ARHGEF15: variants seen among roughly 807,000 people sequenced by gnomAD.
The protein encoded by ARHGEF15 is Rho guanine nucleotide exchange factor 15, also known as Rho guanine nucleotide exchange factor (GEF) 15.
Under a neutral mutation model 79.7 loss-of-function variants are expected in ARHGEF15, and 58 were observed. The ratio of observed to expected loss-of-function variants is 0.73; its 90% CI spans 0.59 to 0.91. ARHGEF15 has a LOEUF of 0.91. ARHGEF15 is among the 40% of genes least tolerant of loss of function. The pLI, the probability that ARHGEF15 is intolerant of heterozygous loss-of-function variation, is 0.00. For synonymous variants in ARHGEF15, 442 were observed against 456.0 expected (o/e 0.97, Z 0.39); for missense variants, 1,012 against 1,108.1 (o/e 0.91, Z 1.23).
chr17:8,311,841 G>A (rs1904639939), intron 1 of ARHGEF15, 150 bp from the exon 2 acceptor site: 2 of 491,708 alleles, frequency 4.1e-6, no homozygotes, highest in East Asian at 3.8e-5. Flanking sequence ...CAGACACGGA[G>A]CGGCTGTATC....
At position 8,313,167 on chromosome 17, in the gene ARHGEF15, C is replaced by T; in HGVS notation, c.847C>T (p.Pro283Ser). The change falls in exon 3 of 16, where the codon CCA (proline) becomes TCA (serine). Residue 283 changes from proline (P) to serine (S), a missense_variant. This residue lies in a region of ARHGEF15 where 818 missense variants were observed against 882.5 expected (regional missense o/e 0.93). Transcript: ENST00000361926. ...CCTGCCACTCCTCAAGCCTCCCAAA[C>T]CAACTCGTGTCAGGCAGGATGCCAC... ...KLLPLLKPPK[P>S]TRVRQDATIF... 1 of 1,612,060 alleles carries T rather than the reference C, an allele frequency of 6.2e-7. No homozygotes were observed. Among genetic ancestry groups the T allele is most frequent in the Non-Finnish European group, 8.5e-7 (1 of 1,180,010 alleles).
rs760178741 is a variant in ARHGEF15, at chr17:8,315,706, G to A, written c.1422-49G>A. ...CAAACCTTCTCTCAAGAACCCGGGA[G>A]ACCTGGCTCTCTGCCCCGCCCCATT... On this transcript the variant is annotated intron_variant, in intron 7 of 15. Coordinates refer to ENST00000361926, the MANE Select transcript of ARHGEF15 (RefSeq NM_173728.4). This position sits in a 1 kb window ranked among gnomAD's most constrained non-coding sequence, Gnocchi z 4.3. 6.3e-7 allele frequency: 1 copy of A among 1,597,850 alleles called. No homozygotes were observed. Among genetic ancestry groups the A allele is most frequent in the South Asian group, 1.1e-5 (1 of 89,828 alleles).
At position 8,321,103 on chromosome 17, in the gene ARHGEF15, T is replaced by C. The variant is rs1905362114; in HGVS notation, c.*110T>C. 6 of 1,470,924 alleles carry C rather than the reference T, an allele frequency of 4.1e-6. No individual in the cohort carries two copies. In the Admixed American group the frequency reaches 9.2e-5, roughly 23 times the overall value. The allele number at this position is 1,470,924 out of a possible 1,614,324, so 91.1% of individuals were successfully genotyped here. A position where few individuals can be genotyped will look rare whatever the true frequency, so the allele number is the denominator to read the frequency against. On this transcript the variant is annotated 3_prime_UTR_variant, in exon 16 of 16. Coordinates refer to ENST00000361926, the MANE Select transcript of ARHGEF15 (RefSeq NM_173728.4). ...CTGTCAGTGGAGATACTACCTCTCG[T>C]GGCAACCATAGAGATCGAGCTTCAG...
intron 15 of ARHGEF15, 46 bp downstream of exon 15, chr17:8,319,649 T>A: frequency 4.9e-6 from 7 of 1,425,542 alleles, no homozygotes; most frequent in Non-Finnish European, 6.5e-6. Flanking sequence ...TTATTATTAT[T>A]TTTTGAGACA....
chr17:8,311,136 C>A (rs966875022), intron 1 of ARHGEF15, among the ~76,000 whole-genome samples: 3 of 152,042 alleles, frequency 2.0e-5, no homozygotes, highest in African/African-American at 7.2e-5. Flanking sequence ...GTCTGACTCT[C>A]CTGCTGACCC....
chr17:8,312,351 C>A lies in ARHGEF15; in HGVS notation c.312C>A (p.Ser104=). Residue 104 remains serine (S), a synonymous_variant, in exon 2 of 16, where the codon TCC becomes TCA. Coordinates refer to ENST00000361926, the MANE Select transcript of ARHGEF15 (RefSeq NM_173728.4). ...PSSTPTPSPV[S]RRSASPEPAP... is the part of the protein sequence containing the mutation. Reference sequence around the variant, plus strand: ...GCACCCCCACACCTAGTCCAGTGTCCCGGCGCTCCGCCTCCCCAGAACCTG... The same window carrying A: ...GCACCCCCACACCTAGTCCAGTGTCACGGCGCTCCGCCTCCCCAGAACCTG... The A allele has an allele frequency of 6.3e-7, 1 of 1,596,336 alleles. No individual in the cohort carries two copies. Among genetic ancestry groups the A allele is most frequent in the Non-Finnish European group, 8.5e-7 (1 of 1,171,578 alleles).
chr17:8,319,827 G>A (rs546323003), intron 15 of ARHGEF15, among the ~76,000 whole-genome samples: 4 of 152,002 alleles, frequency 2.6e-5, no homozygotes, highest in Non-Finnish European at 4.4e-5. Flanking sequence ...GTAGAGATGG[G>A]GTTTCACCAT....
rs775035277 is a variant in ARHGEF15 at position 8,315,581 on chromosome 17, G to C, written c.1421+7G>C. The stretch of plus-strand genomic sequence containing the variant: ...TCCAGGGAGTCAGCGAGCGGTCAGT[G>C]GCTTTCCGTCCTTCCAGGGAACCTG... On this transcript the variant is annotated splice_region_variant and intron_variant, in intron 7 of 15. Transcript: ENST00000361926. This position sits in a 1 kb window ranked among gnomAD's most constrained non-coding sequence, Gnocchi z 4.3. 1.9e-6 allele frequency: 3 copies of C among 1,606,812 alleles called. No homozygotes were observed. In the African/African-American group the frequency reaches 4.0e-5, roughly 21 times the overall value.
Position 8,321,284 on chromosome 17 carries a change from T to C in ARHGEF15, c.*291T>C. The C allele has an allele frequency of 6.4e-6, 2 of 314,472 alleles. No individual in the cohort carries two copies. Among genetic ancestry groups the C allele is most frequent in the Non-Finnish European group, 1.2e-5 (2 of 170,016 alleles). The allele number at this position is 314,472 out of a possible 1,614,324, so 19.5% of individuals were successfully genotyped here. A position where few individuals can be genotyped will look rare whatever the true frequency, so the allele number is the denominator to read the frequency against. On this transcript the variant is annotated 3_prime_UTR_variant, in exon 16 of 16. Coordinates refer to ENST00000361926, the MANE Select transcript of ARHGEF15 (RefSeq NM_173728.4). ...CTATGGCCAATGAGTATTCCTGCTA[T>C]GCTCAGGGCCAAGGAAGACAAATCT...
At chr17:8,313,899 G>A (rs559287209) in intron 4 of ARHGEF15, 3 of 190,060 alleles carry the variant, frequency 1.6e-5, no homozygotes, top group East Asian at 2.6e-4. Flanking sequence ...GCATGGTGAC[G>A]GGTGCCTGTA....
chr17:8,312,425 C>T lies in ARHGEF15; in HGVS notation c.386C>T (p.Thr129Met), dbSNP rs747278375. 3.3e-5 allele frequency: 53 copies of T among 1,613,748 alleles called. No homozygotes were observed. The highest frequency in any genetic ancestry group is 4.5e-5 in the East Asian group (2 of 44,844). The part of the protein sequence containing the change: ...PPPKPSGSPC[T>M]PLLPMAGVLA... ...CCCAAGCCGTCTGGGTCACCCTGCA[C>T]GCCTCTGCTCCCCATGGCTGGAGTC... Residue 129 changes from threonine to methionine, a missense_variant, in exon 2 of 16, where the codon ACG becomes ATG. Coordinates refer to ENST00000361926, the MANE Select transcript of ARHGEF15 (RefSeq NM_173728.4).
Position 8,315,373 on chromosome 17 carries a change from G to A in ARHGEF15, c.1261-41G>A. 1 of 1,613,094 alleles carries A rather than the reference G, an allele frequency of 6.2e-7. No individual in the cohort carries two copies. The highest frequency in any genetic ancestry group is 1.1e-5 in the South Asian group (1 of 91,000). On this transcript the variant is annotated intron_variant, in intron 6 of 15. Transcript: ENST00000361926. The surrounding 1 kb of genome is among the most constrained non-coding windows in gnomAD (Gnocchi z 4.3). ...AGGGCCCAGGGTCCTAGCTTCCCAC[G>A]GTGAACTGGGCTTCCCACGACTGCC...
chr17:8,318,925 A>T lies in ARHGEF15; in HGVS notation c.2033+15A>T. ...CAGCCTAAGAGGTGAGTCCTAGGGA[A>T]GGAAGGAGCCCAGGCTGGAGTGGGC... On this transcript the variant is annotated intron_variant, in intron 12 of 15. Coordinates refer to ENST00000361926, the MANE Select transcript of ARHGEF15 (RefSeq NM_173728.4). The surrounding 1 kb of genome is among the most constrained non-coding windows in gnomAD (Gnocchi z 5.0). 6.2e-7 allele frequency: 1 copy of T among 1,610,326 alleles called. No individual in the cohort carries two copies. Among genetic ancestry groups the T allele is most frequent in the East Asian group, 2.2e-5 (1 of 44,816 alleles).
chr17:8,314,532 T>C (rs1229889224), intron 4 of ARHGEF15, among the ~76,000 whole-genome samples: 1 of 151,930 alleles, frequency 6.6e-6, no homozygotes, highest in African/African-American at 2.4e-5. Flanking sequence ...CTCAGAAATC[T>C]CTGGTCTGCA....
rs1004476505 is a variant in ARHGEF15, at chr17:8,322,298, G to C, written c.*1305G>C. 2.0e-5 allele frequency: 3 copies of C among 152,412 alleles called. No homozygotes were observed. The highest frequency in any genetic ancestry group is 4.4e-5 in the Non-Finnish European group (3 of 68,180). The allele number at this position is 152,412 out of a possible 1,614,324, so 9.4% of individuals were successfully genotyped here. A position where few individuals can be genotyped will look rare whatever the true frequency, so the allele number is the denominator to read the frequency against. On this transcript the variant is annotated 3_prime_UTR_variant, in exon 16 of 16. Coordinates refer to ENST00000361926, the MANE Select transcript of ARHGEF15 (RefSeq NM_173728.4). ...CAGCAAGGCAGACAGTGGCTGGCAG[G>C]GGGGCCCAGGCCCGGGACGAGGCCT...
rs1905440856 is a variant in ARHGEF15 at position 8,322,355 on chromosome 17, G to C, written c.*1362G>C. The C allele has an allele frequency of 6.6e-6, 1 of 152,382 alleles. No individual in the cohort carries two copies. The allele number at this position is 152,382 out of a possible 1,614,324, so 9.4% of individuals were successfully genotyped here. Reference sequence around the variant, plus strand: ...CAGCTCAGGCACAGCAACTTGCCCAGGACTGACACTGTCACCCTGACTGCA... The same window carrying C: ...CAGCTCAGGCACAGCAACTTGCCCACGACTGACACTGTCACCCTGACTGCA... On this transcript the variant is annotated 3_prime_UTR_variant, in exon 16 of 16. Transcript: ENST00000361926.
chr17:8,315,589 G>A lies in ARHGEF15; in HGVS notation c.1421+15G>A. On this transcript the variant is annotated intron_variant, in intron 7 of 15. Transcript: ENST00000361926. The surrounding 1 kb of genome is among the most constrained non-coding windows in gnomAD (Gnocchi z 4.3). ...GTCAGCGAGCGGTCAGTGGCTTTCC[G>A]TCCTTCCAGGGAACCTGCCCTTAGG... 1 of 1,606,162 alleles carries A rather than the reference G, an allele frequency of 6.2e-7. No individual in the cohort carries two copies. The highest frequency in any genetic ancestry group is 8.5e-7 in the Non-Finnish European group (1 of 1,179,870).
At position 8,315,051 on chromosome 17, in the gene ARHGEF15, A is replaced by G. The variant is rs2151638840; in HGVS notation, c.1049-15A>G. 1 of 1,613,200 alleles carries G rather than the reference A, an allele frequency of 6.2e-7. No individual in the cohort carries two copies. The highest frequency in any genetic ancestry group is 8.5e-7 in the Non-Finnish European group (1 of 1,179,456). On this transcript the variant is annotated splice_polypyrimidine_tract_variant and intron_variant, in intron 5 of 15. Coordinates refer to ENST00000361926, the MANE Select transcript of ARHGEF15 (RefSeq NM_173728.4). The surrounding 1 kb of genome is among the most constrained non-coding windows in gnomAD (Gnocchi z 4.3). ...GAGCCCTGGGCTTCCCTGAAGTGCT[A>G]TGTTTGCCCTCTAGAACCTCTGTAC...
Position 8,312,611 on chromosome 17 carries a change from G to T in ARHGEF15, c.572G>T (p.Gly191Val), listed in dbSNP as rs1461153118. Residue 191 changes from glycine (G) to valine (V), a missense_variant, in exon 2 of 16, where the codon GGG becomes GTG. Coordinates refer to ENST00000361926, the MANE Select transcript of ARHGEF15 (RefSeq NM_173728.4). Reference sequence around the variant, plus strand: ...GGGGAGAGAGAAGCTCCCCTCACCGGGAGTGGGTCCCAGGAGAACGGTGCT... The same window carrying T: ...GGGGAGAGAGAAGCTCCCCTCACCGTGAGTGGGTCCCAGGAGAACGGTGCT... ...VNGEREAPLT[G>V]SGSQENGAPD... The T allele has an allele frequency of 6.2e-7, 1 of 1,613,310 alleles. No homozygotes were observed. Among genetic ancestry groups the T allele is most frequent in the African/African-American group, 1.3e-5 (1 of 75,048 alleles).
Sources: allele counts gnomAD v4.1 joint callset (sites outside exome capture counted in the v4.1 genomes callset), GRCh38; gene constraint gnomAD v4.1.1; regional missense constraint gnomAD v4.1.1; non-coding constraint Gnocchi (gnomAD v3.1); transcripts MANE v1.5; gene names NCBI Gene and HGNC (gene_info 2026-07-23, HGNC 2026-07-21).